The following CACNG2 variants were observed in gnomAD, a reference collection of about 807,000 sequenced individuals.
CACNG2 encodes the protein voltage-dependent calcium channel gamma-2 subunit.
Under a neutral mutation model 25.9 loss-of-function variants are expected in CACNG2, and 3 were observed. The observed-to-expected ratio is 0.12, with a 90% CI of 0.05 to 0.30. The LOEUF (loss-of-function observed/expected upper bound fraction) is 0.30. Ranked by LOEUF, CACNG2 falls within the 10% of genes least tolerant of loss-of-function variation. The pLI is 1.00. For synonymous variants in CACNG2, 167 were observed against 173.3 expected (o/e 0.96, Z 0.29); for missense variants, 341 against 432.5 (o/e 0.79, Z 1.88).
intron 1 of CACNG2, among the ~76,000 whole-genome samples, chr22:36,591,041 TA>T (rs1431684287): frequency 2.0e-5 from 3 of 150,040 alleles, no homozygotes; most frequent in East Asian, 1.9e-4. Flanking sequence ...GGGGGAGATA[TA>T]TTTTTTTTTT....
intron 1 of CACNG2, among the ~76,000 whole-genome samples, chr22:36,592,437 G>A (rs1161306317): frequency 6.6e-6 from 1 of 152,152 alleles, no homozygotes; most frequent in East Asian, 1.9e-4. Flanking sequence ...GACCCCGAAT[G>A]AGGTGGCTTG....
intron 1 of CACNG2, among the ~76,000 whole-genome samples, chr22:36,672,615 C>T (rs1374400758): frequency 6.6e-6 from 1 of 152,208 alleles, no homozygotes; most frequent in Non-Finnish European, 1.5e-5. Context: ...TGACCTTGAA[C>T]CTGGGAGCAC....
intron 1 of CACNG2, among the ~76,000 whole-genome samples, chr22:36,698,124 C>T (rs866697863): frequency 2.0e-5 from 3 of 151,940 alleles, no homozygotes; most frequent in Admixed American, 6.6e-5. Context: ...TTCTGACTTC[C>T]GCACCCCCTT....
intron 1 of CACNG2, among the ~76,000 whole-genome samples, chr22:36,624,291 G>A (rs573338789): frequency 2.2e-4 from 33 of 152,296 alleles, no homozygotes; most frequent in African/African-American, 7.9e-4. Context: ...CTGGTGGTGA[G>A]AGCAATGGCA....
At position 36,669,247 on chromosome 22, in the gene CACNG2, A is replaced by G. The variant is rs539637309; in HGVS notation, c.211+33119T>C. On this transcript the variant is annotated intron_variant, in intron 1 of 3. Coordinates refer to ENST00000300105, the MANE Select transcript of CACNG2 (RefSeq NM_006078.5). ...CTGGGCGTGGTGGCTCACTCCTGTA[A>G]TCCCAGCACTTTGGGAGGCTGAGGT... 2.6e-5 allele frequency among the ~76,000 whole-genome samples: 4 copies of G among 152,094 alleles called. No homozygotes were observed. The South Asian group carries it at 8.3e-4, about 32-fold the overall frequency.
At chr22:36,576,281 A>C (rs1363788315) in intron 2 of CACNG2, among the ~76,000 whole-genome samples, 2 of 152,212 alleles carry the variant, frequency 1.3e-5, no homozygotes, top group Non-Finnish European at 2.9e-5. Context: ...CAGGAATGGA[A>C]AACCAAACAT....
chr22:36,591,272 G>T (rs1160273622), intron 1 of CACNG2, among the ~76,000 whole-genome samples: 1 of 151,886 alleles, frequency 6.6e-6, no homozygotes, highest in East Asian at 1.9e-4. Flanking sequence ...CTCGTGATCC[G>T]CCTGCTTCGG....
In CACNG2 at chr22:36,606,265, AGGG is replaced by A. The variant is rs1935831505; in HGVS notation, c.212-18720_212-18718del. ...GCAGACGACCCAGAATGAAACCACAAGGGCAGCGAGGGCGTTGGCTGGTCGCCG... is the reference window on the plus strand; with the variant it reads ...GCAGACGACCCAGAATGAAACCACAACAGCGAGGGCGTTGGCTGGTCGCCG... On this transcript the variant is annotated intron_variant, in intron 1 of 3. Transcript: ENST00000300105. This position sits in a 1 kb window ranked among gnomAD's most constrained non-coding sequence, Gnocchi z 5.7. 1.3e-5 allele frequency among the ~76,000 whole-genome samples: 2 copies of A among 152,246 alleles called. No homozygotes were observed. The highest frequency in any genetic ancestry group is 4.8e-5 in the African/African-American group (2 of 41,462).
intron 1 of CACNG2, among the ~76,000 whole-genome samples, chr22:36,655,748 T>C (rs1936694163): frequency 6.7e-6 from 1 of 150,170 alleles, no homozygotes; most frequent in Non-Finnish European, 1.5e-5. Context: ...CTTCCTTTCT[T>C]CCTTTCTTTC....
chr22:36,588,427 T>C (rs1822863004), intron 1 of CACNG2, among the ~76,000 whole-genome samples: 1 of 152,320 alleles, frequency 6.6e-6, no homozygotes, highest in Non-Finnish European at 1.5e-5. Context: ...GAATGTGGCC[T>C]TTCTAAAAAC....
Position 36,576,821 on chromosome 22 carries a change from A to G in CACNG2, c.296-10328T>C, listed in dbSNP as rs146284978. 1.2e-4 allele frequency among the ~76,000 whole-genome samples: 18 copies of G among 152,168 alleles called. No homozygotes were observed. In the East Asian group the frequency reaches 2.9e-3, roughly 24 times the overall value. ...GGGACACTGATCATCTCACCCTCAT[A>G]GGGTGGTTGTGAAGATGAATTAAGA... On this transcript the variant is annotated intron_variant, in intron 2 of 3. Coordinates refer to ENST00000300105, the MANE Select transcript of CACNG2 (RefSeq NM_006078.5).
intron 1 of CACNG2, among the ~76,000 whole-genome samples, chr22:36,664,535 T>A (rs5995327): frequency 6.6e-6 from 1 of 152,108 alleles, no homozygotes; most frequent in African/African-American, 2.4e-5. Context: ...CTTTCCGGGC[T>A]AGGGATCTAA....
chr22:36,621,813 A>G (rs1936110038), intron 1 of CACNG2, among the ~76,000 whole-genome samples: 4 of 152,220 alleles, frequency 2.6e-5, no homozygotes, highest in African/African-American at 4.8e-5. Flanking sequence ...TGGAAATAGT[A>G]GATGCTCAGT....
At chr22:36,686,593 G>A (rs1411312517) in intron 1 of CACNG2, among the ~76,000 whole-genome samples, 4 of 152,194 alleles carry the variant, frequency 2.6e-5, no homozygotes, top group Non-Finnish European at 5.9e-5. Context: ...GACCCGGAGG[G>A]AATATTGTGG....
chr22:36,658,794 G>A (rs1936744868), intron 1 of CACNG2, among the ~76,000 whole-genome samples: 1 of 152,192 alleles, frequency 6.6e-6, no homozygotes, highest in Non-Finnish European at 1.5e-5. Context: ...AGGGGGAATA[G>A]GCGGGGTGTG....
intron 1 of CACNG2, among the ~76,000 whole-genome samples, chr22:36,679,860 C>T (rs1298922853): frequency 6.6e-6 from 1 of 152,132 alleles, no homozygotes; most frequent in Admixed American, 6.5e-5. Flanking sequence ...GTTTTGGACA[C>T]CGTGAAGAGT....
At chr22:36,688,189 G>A (rs976936746) in intron 1 of CACNG2, among the ~76,000 whole-genome samples, 10 of 152,044 alleles carry the variant, frequency 6.6e-5, no homozygotes, top group Admixed American at 1.3e-4. Context: ...AGTAGCTCTC[G>A]GGGAAAATCA....
intron 2 of CACNG2, among the ~76,000 whole-genome samples, chr22:36,573,774 G>C (rs1433307166): frequency 6.6e-6 from 1 of 152,200 alleles, no homozygotes; most frequent in Non-Finnish European, 1.5e-5. Context: ...TTCTTTTCAG[G>C]CTCTACACTT....
At chr22:36,602,318 C>T (rs1394037929) in intron 1 of CACNG2, among the ~76,000 whole-genome samples, 1 of 151,718 alleles carries the variant, frequency 6.6e-6, no homozygotes, top group African/African-American at 2.4e-5. Context: ...TGTACATTGC[C>T]CTTTCATTTT....
Sources: gnomAD v4.1 joint callset for allele counts (sites outside exome capture counted in the v4.1 genomes callset) on GRCh38, gnomAD v4.1.1 for gene constraint, Gnocchi (gnomAD v3.1) non-coding constraint, MANE v1.5 for transcripts, NCBI Gene and HGNC (gene_info 2026-07-23, HGNC 2026-07-21) for gene names.